Variants in ACACB observed in about 807,000 individuals in gnomAD.
ACACB encodes acetyl-CoA carboxylase beta.
In ACACB, 209 loss-of-function variants were observed where a neutral mutation model predicts 278.8. The observed-to-expected ratio is 0.75, with a 90% CI of 0.67 to 0.84. ACACB has a LOEUF of 0.84. ACACB is among the 40% of genes least tolerant of loss of function. ACACB has a pLI of 0.00. For synonymous variants in ACACB, 1,174 were observed against 1,285.6 expected, an observed-to-expected ratio of 0.91 and a Z score of 1.86; for missense variants, 2,850 against 3,269.0, an observed-to-expected ratio of 0.87 and a Z score of 3.13.
At position 109,264,090 on chromosome 12, in the gene ACACB, G is replaced by A. The variant is rs1308467695; in HGVS notation, c.6788-142G>A. On this transcript the variant is annotated intron_variant, in intron 49 of 52. Transcript: ENST00000338432. ...CTGTGTAGCAGCAGGGGTAATATCA[G>A]AGTTAAAGCTCAGACCTCTCACAAG... 133 of 988,930 alleles carry A rather than the reference G, an allele frequency of 1.3e-4. 2 individuals carry two copies. The highest frequency in any genetic ancestry group is 1.1e-4 in the Non-Finnish European group (76 of 662,316). 61.3% of individuals were successfully genotyped at this position (988,930 alleles called of 1,614,324 possible).
intron 13 of ACACB, 92 bp from the exon 14 acceptor site, chr12:109,191,520 GT>G: frequency 6.5e-7 from 1 of 1,536,126 alleles, no homozygotes; most frequent in Non-Finnish European, 8.9e-7. Context: ...GGCCACTCCT[GT>G]GCTTTTCCAG....
chr12:109,144,757 T>TC lies in ACACB; in HGVS notation c.653+4699_653+4700insC, dbSNP rs200027437. Among the ~76,000 whole-genome samples the TC allele has an allele frequency of 9.6e-3, 1,216 of 126,060 alleles. 94 individuals are homozygous for TC. The East Asian group carries it at 0.17, about 18-fold the overall frequency. 82.7% of individuals were successfully genotyped at this position (126,060 alleles called of 152,430 possible). ...TTTTCTTTTTCTTTCTTTCTTTCTTTTTTTTTTTTTTTTTTGAGACAGAGT... is the reference window on the plus strand; with the variant it reads ...TTTTCTTTTTCTTTCTTTCTTTCTTTCTTTTTTTTTTTTTTTGAGACAGAGT... On this transcript the variant is annotated intron_variant, in intron 2 of 52. Transcript: ENST00000338432.
intron 13 of ACACB, among the ~76,000 whole-genome samples, chr12:109,191,052 A>G (rs1291325485): frequency 1.3e-5 from 2 of 152,244 alleles, no homozygotes; most frequent in Non-Finnish European, 1.5e-5. Context: ...TCTCATTTCA[A>G]TTCTCGAACA....
Position 109,172,271 on chromosome 12 carries a change from G to C in ACACB, c.1036-4G>C. The C allele has an allele frequency of 6.2e-7, 1 of 1,613,622 alleles. No homozygotes were observed. The highest frequency in any genetic ancestry group is 8.5e-7 in the Non-Finnish European group (1 of 1,179,936). ...TTGTTGCTCACCCCTTTCTGTGTTT[G>C]CAGGCGGTGTGGGCTGGCTGGGGCC... On this transcript the variant is annotated splice_polypyrimidine_tract_variant and splice_region_variant and intron_variant, in intron 5 of 52. Transcript: ENST00000338432.
intron 38 of ACACB, 80 bp from the exon 39 acceptor site, chr12:109,246,096 AAAT>A (rs758585675): frequency 2.8e-5 from 40 of 1,447,576 alleles, no homozygotes; most frequent in South Asian, 2.6e-4. Context: ...TATCTAAAAA[AAAT>A]AATAATAACT....
intron 6 of ACACB, among the ~76,000 whole-genome samples, chr12:109,173,339 A>G (rs1423158194): frequency 6.6e-6 from 1 of 152,226 alleles, no homozygotes; most frequent in Non-Finnish European, 1.5e-5. Context: ...ATCATTTACT[A>G]TCATGTAATA....
chr12:109,209,703 A>G (rs2045623846), intron 21 of ACACB, among the ~76,000 whole-genome samples: 1 of 149,952 alleles, frequency 6.7e-6, no homozygotes, highest in South Asian at 2.1e-4. Flanking sequence ...TTGTTTTTTC[A>G]CTGGTTTGCA....
chr12:109,122,885 A>G (rs546824195), intron 1 of ACACB, among the ~76,000 whole-genome samples: 1 of 151,988 alleles, frequency 6.6e-6, no homozygotes, highest in South Asian at 2.1e-4. Context: ...CCAACATTTT[A>G]TTATAAAAAA....
At chr12:109,193,159 A>G (rs2044955540) in intron 15 of ACACB, among the ~76,000 whole-genome samples, 1 of 151,774 alleles carries the variant, frequency 6.6e-6, no homozygotes, top group Non-Finnish European at 1.5e-5. Flanking sequence ...AGTTCTAAGC[A>G]ATATCAGGCT....
intron 15 of ACACB, among the ~76,000 whole-genome samples, chr12:109,192,498 C>G (rs1035571836): frequency 6.6e-6 from 1 of 152,104 alleles, no homozygotes; most frequent in African/African-American, 2.4e-5. Flanking sequence ...CCTCTACCCA[C>G]TAAATGCCAG....
chr12:109,231,159 T>C (rs1421623854), intron 28 of ACACB, among the ~76,000 whole-genome samples: 2 of 151,822 alleles, frequency 1.3e-5, no homozygotes, highest in Non-Finnish European at 2.9e-5. Flanking sequence ...TGGCAGGGCT[T>C]TGTGCCAGCT....
intron 4 of ACACB, 100 bp downstream of exon 4, chr12:109,168,134 G>C: frequency 7.7e-7 from 1 of 1,294,132 alleles, no homozygotes; most frequent in Non-Finnish European, 1.1e-6. Context: ...ACTCCCGATG[G>C]TCAGGACCTC....
intron 31 of ACACB, among the ~76,000 whole-genome samples, 181 bp from the exon 32 acceptor site, chr12:109,235,132 A>G (rs1449379217): frequency 6.6e-6 from 1 of 152,094 alleles, no homozygotes; most frequent in Non-Finnish European, 1.5e-5. Context: ...TTCTCTCTAT[A>G]TAGATTTGCC....
At chr12:109,245,517 T>C in intron 37 of ACACB, 109 bp from the exon 38 acceptor site, 2 of 1,166,614 alleles carry the variant, frequency 1.7e-6, no homozygotes, top group Non-Finnish European at 2.3e-6. Flanking sequence ...AAAGAGAGAG[T>C]GAACTACAGA....
intron 2 of ACACB, among the ~76,000 whole-genome samples, chr12:109,143,579 A>G (rs539644063): frequency 6.6e-6 from 1 of 151,978 alleles, no homozygotes; most frequent in African/African-American, 2.4e-5. Context: ...GTATGTGTGC[A>G]TTTTCAGAGT....
intron 32 of ACACB, 51 bp downstream of exon 32, chr12:109,235,420 T>C (rs748805251): frequency 6.4e-7 from 1 of 1,552,998 alleles, no homozygotes; most frequent in South Asian, 1.1e-5. Flanking sequence ...CAAGCCTTGG[T>C]GTGTGCCATT....
rs923277575 is a variant in ACACB, at chr12:109,259,219, T to C, written c.6496+111T>C. On this transcript the variant is annotated intron_variant, in intron 47 of 52. Coordinates refer to ENST00000338432, the MANE Select transcript of ACACB (RefSeq NM_001093.4). ...AGTCTGTGCCCATCATCATCTTAGCTGTGTCTCCCAACAACCCTGAGGAGA... is the reference window on the plus strand; with the variant it reads ...AGTCTGTGCCCATCATCATCTTAGCCGTGTCTCCCAACAACCCTGAGGAGA... 4.5e-6 allele frequency: 6 copies of C among 1,330,152 alleles called. No individual in the cohort carries two copies. The African/African-American group carries it at 7.4e-5, about 16-fold the overall frequency. The allele number at this position is 1,330,152 out of a possible 1,614,324, so 82.4% of individuals were successfully genotyped here. A position where few individuals can be genotyped will look rare whatever the true frequency, so the allele number is the denominator to read the frequency against.
intron 2 of ACACB, among the ~76,000 whole-genome samples, chr12:109,141,973 C>A (rs576870684): frequency 3.6e-4 from 55 of 152,196 alleles, no homozygotes; most frequent in Admixed American, 2.4e-3. Context: ...TGTAGGCAGG[C>A]ATGGTGGCTC....
intron 38 of ACACB, 75 bp downstream of exon 38, chr12:109,245,823 TCA>T: frequency 6.4e-7 from 1 of 1,557,506 alleles, no homozygotes; most frequent in South Asian, 1.2e-5. Flanking sequence ...GTGCAGTAGC[TCA>T]CACCTGTAAT....
Sources: gnomAD v4.1 joint callset for allele counts (sites outside exome capture counted in the v4.1 genomes callset) on GRCh38, gnomAD v4.1.1 for gene constraint, MANE v1.5 for transcripts, NCBI Gene and HGNC (gene_info 2026-07-23, HGNC 2026-07-21) for gene names.